Variants in CHRM2 observed in about 807,000 individuals in gnomAD.
CHRM2 encodes muscarinic acetylcholine receptor M2.
In CHRM2, 8 loss-of-function variants were observed where a neutral mutation model predicts 25.0. The observed-to-expected ratio is 0.32, with a 90% CI of 0.19 to 0.58. The LOEUF (loss-of-function observed/expected upper bound fraction) is 0.58. CHRM2 is among the 20% of genes least tolerant of loss of function. The probability of loss-of-function intolerance (pLI) is 0.88; values close to 1 mark genes in which losing one functional copy is unlikely to be tolerated. For missense variants in CHRM2, 440 were observed against 567.1 expected (o/e 0.78, Z 2.28); for synonymous variants, 202 against 205.7 (o/e 0.98, Z 0.15).
intron 2 of CHRM2, among the ~76,000 whole-genome samples, chr7:136,971,203 G>T (rs1801745128): frequency 1.3e-5 from 2 of 152,178 alleles, no homozygotes; most frequent in South Asian, 2.1e-4. Context: ...TGGAATGAAA[G>T]CATATAGAAG....
intron 2 of CHRM2, among the ~76,000 whole-genome samples, chr7:136,920,967 A>G (rs1346328835): frequency 2.0e-5 from 3 of 152,018 alleles, no homozygotes; most frequent in African/African-American, 7.2e-5. Flanking sequence ...ACTTTCCCTT[A>G]GGGGCACCAC....
chr7:136,965,081 A>G (rs1801327705), intron 2 of CHRM2, among the ~76,000 whole-genome samples: 1 of 152,152 alleles, frequency 6.6e-6, no homozygotes, highest in Non-Finnish European at 1.5e-5. Context: ...AAAAGTCTAG[A>G]TATCTATGAA....
At chr7:136,956,757 T>A (rs1800746844) in intron 2 of CHRM2, among the ~76,000 whole-genome samples, 1 of 152,156 alleles carries the variant, frequency 6.6e-6, no homozygotes, top group Non-Finnish European at 1.5e-5. Context: ...CAAGAAGATA[T>A]TTTAGTGTCA....
chr7:136,904,438 A>C (rs893172686), intron 2 of CHRM2, among the ~76,000 whole-genome samples: 1 of 151,966 alleles, frequency 6.6e-6, no homozygotes. Context: ...TTATCAAATA[A>C]TTGTGCATAT....
chr7:136,990,684 T>G (rs181587181), intron 2 of CHRM2, among the ~76,000 whole-genome samples: 2 of 152,316 alleles, frequency 1.3e-5, no homozygotes, highest in East Asian at 3.9e-4. Flanking sequence ...AATGTCTATG[T>G]GCAGGTTTTT....
At chr7:136,957,255 ATGTG>A (rs10606389) in intron 2 of CHRM2, among the ~76,000 whole-genome samples, 54,490 of 151,022 alleles carry the variant, frequency 0.36, 10,257 homozygotes, top group Non-Finnish European at 0.4. Context: ...CATAGTGTAT[ATGTG>A]TGTGTGTGTG....
At chr7:136,958,601 A>C (rs1305858781) in intron 2 of CHRM2, among the ~76,000 whole-genome samples, 1 of 151,782 alleles carries the variant, frequency 6.6e-6, no homozygotes, top group Admixed American at 6.6e-5. Context: ...GGAATACAGG[A>C]GTGTGCTACC....
chr7:136,879,429 G>C (rs1410105378), intron 2 of CHRM2, among the ~76,000 whole-genome samples: 8 of 151,878 alleles, frequency 5.3e-5, no homozygotes, highest in African/African-American at 1.9e-4. Flanking sequence ...GAATAATTCT[G>C]TTCCTGTTTA....
chr7:137,008,371 T>G (rs1804589397), intron 3 of CHRM2, among the ~76,000 whole-genome samples: 1 of 152,118 alleles, frequency 6.6e-6, no homozygotes, highest in Non-Finnish European at 1.5e-5. Flanking sequence ...CTGAAAGCTA[T>G]GTATCTAAAC....
At chr7:136,948,103 T>G (rs1439859209) in intron 2 of CHRM2, among the ~76,000 whole-genome samples, 1 of 152,148 alleles carries the variant, frequency 6.6e-6, no homozygotes, top group African/African-American at 2.4e-5. Flanking sequence ...GTATCTACAA[T>G]GCTTCTGTTC....
intron 2 of CHRM2, among the ~76,000 whole-genome samples, chr7:136,984,874 A>AGT (rs1437079051): frequency 6.6e-6 from 1 of 152,088 alleles, no homozygotes; most frequent in East Asian, 1.9e-4. Flanking sequence ...GCTGCAGACC[A>AGT]GAGCTGTTCC....
At chr7:137,004,447 T>C (rs1804282584) in intron 3 of CHRM2, among the ~76,000 whole-genome samples, 2 of 152,044 alleles carry the variant, frequency 1.3e-5, no homozygotes, top group Admixed American at 6.6e-5. Flanking sequence ...GGGAGACAGG[T>C]ATTTGGAGAG....
chr7:136,938,729 C>T (rs1051087743), intron 2 of CHRM2, among the ~76,000 whole-genome samples: 1 of 151,952 alleles, frequency 6.6e-6, no homozygotes, highest in Non-Finnish European at 1.5e-5. Context: ...TCCTGCGCTG[C>T]CCCAGAGCCT....
intron 2 of CHRM2, among the ~76,000 whole-genome samples, chr7:136,957,380 G>A (rs556095979): frequency 3.3e-5 from 5 of 152,302 alleles, no homozygotes; most frequent in Admixed American, 2.6e-4. Context: ...AATATTCAGT[G>A]CATTCTGATT....
At position 136,937,084 on chromosome 7, in the gene CHRM2, AGTG is replaced by A. The variant is rs1236165379; in HGVS notation, c.-124-55102_-124-55100del. Among the ~76,000 whole-genome samples, 5 of 152,308 alleles carry A rather than the reference AGTG, an allele frequency of 3.3e-5. No homozygotes were observed. In the East Asian group the frequency reaches 9.6e-4, roughly 29 times the overall value. On this transcript the variant is annotated intron_variant, in intron 2 of 3. Transcript: ENST00000680005. ...TACATGCTGAATACTAATATATCTG[AGTG>A]TCTCTAGCCCCAAAGACAGAGAATT...
At chr7:136,974,807 TGA>T (rs553433140) in intron 2 of CHRM2, among the ~76,000 whole-genome samples, 256 of 152,240 alleles carry the variant, frequency 1.7e-3, no homozygotes, top group African/African-American at 5.9e-3. Context: ...CAAACATCAC[TGA>T]GAGGTCAGAG....
intron 2 of CHRM2, among the ~76,000 whole-genome samples, chr7:136,988,590 C>T (rs1237509879): frequency 1.3e-5 from 2 of 152,016 alleles, no homozygotes; most frequent in South Asian, 2.1e-4. Flanking sequence ...CCAATGGTAC[C>T]GTCAGCTTCA....
chr7:137,015,032 C>G lies in CHRM2; in HGVS notation c.167C>G (p.Thr56Ser). The G allele has an allele frequency of 6.2e-7, 1 of 1,613,408 alleles. No individual in the cohort carries two copies. The highest frequency in any genetic ancestry group is 8.5e-7 in the Non-Finnish European group (1 of 1,179,592). The stretch of plus-strand genomic sequence containing the variant: ...ATTAAAGTCAACCGCCACCTCCAGA[C>G]CGTCAACAATTACTTTTTATTCAGC... ...VSIKVNRHLQTVNNYFLFSLA... is the reference protein window; with the variant it reads ...VSIKVNRHLQSVNNYFLFSLA... The change falls in exon 4 of 4, where the codon ACC (threonine) becomes AGC (serine). Residue 56 changes from threonine (T) to serine (S), a missense_variant. Coordinates refer to ENST00000680005, the MANE Select transcript of CHRM2 (RefSeq NM_001006630.2). This position sits in a 1 kb window ranked among gnomAD's most constrained non-coding sequence, Gnocchi z 5.1.
chr7:136,921,790 C>CTTTTTTTTTTTTTTTTTTTTTTT (rs201063228), intron 2 of CHRM2, among the ~76,000 whole-genome samples: 62 of 113,986 alleles, frequency 5.4e-4, no homozygotes, highest in Non-Finnish European at 1.1e-3. Flanking sequence ...TTCTTTCTTT[C>CTTTTTTTTTTTTTTTTTTTTTTT]TTTCTTTTTT....
Sources: gnomAD v4.1 joint callset for allele counts (sites outside exome capture counted in the v4.1 genomes callset) on GRCh38, gnomAD v4.1.1 for gene constraint, Gnocchi (gnomAD v3.1) non-coding constraint, MANE v1.5 for transcripts, NCBI Gene and HGNC (gene_info 2026-07-23, HGNC 2026-07-21) for gene names.